The following ITPK1 variants were observed in gnomAD, a reference collection of about 807,000 sequenced individuals.
ITPK1 encodes inositol-tetrakisphosphate 1-kinase.
Under a neutral mutation model 45.3 loss-of-function variants are expected in ITPK1, and 21 were observed. The observed-to-expected ratio is 0.46, with a 90% CI of 0.33 to 0.67. The LOEUF is 0.67. Among genes scored for constraint, ITPK1 ranks in the 30% least tolerant of loss-of-function variants. The probability of loss-of-function intolerance (pLI) is 0.02; values close to 1 mark genes in which losing one functional copy is unlikely to be tolerated. For synonymous variants in ITPK1, 258 were observed against 253.6 expected (o/e 1.02, Z -0.16); for missense variants, 474 against 573.5 (o/e 0.83, Z 1.77).
At chr14:92,974,107 A>C (rs1477109925) in intron 5 of ITPK1, among the ~76,000 whole-genome samples, 1 of 152,118 alleles carries the variant, frequency 6.6e-6, no homozygotes, top group Non-Finnish European at 1.5e-5. Context: ...GTACATCCCT[A>C]ACACCTCCGA....
chr14:92,963,097 T>C (rs1010701298), intron 5 of ITPK1, among the ~76,000 whole-genome samples: 1 of 152,078 alleles, frequency 6.6e-6, no homozygotes, highest in East Asian at 1.9e-4. Context: ...ATCCGAAGAG[T>C]ACAGAAAAGT....
rs767201151 is a variant in ITPK1 at position 92,941,699 on chromosome 14, G to A, written c.1107C>T (p.Asp369=). 14 of 1,563,270 alleles carry A rather than the reference G, an allele frequency of 9.0e-6. No individual in the cohort carries two copies. Among genetic ancestry groups the A allele is most frequent in the Middle Eastern group, 1.9e-4 (1 of 5,154 alleles). Residue 369 remains aspartate, a synonymous_variant, in exon 11 of 11, where the codon GAC becomes GAT. Transcript: ENST00000267615. ...PGCCGSMMGQ[D]APWKAEADAG... ...CGTCGGCCTCAGCCTTCCAGGGCGC[G>A]TCCTGGCCCATCATGCTGCCGCAGC...
intron 2 of ITPK1, among the ~76,000 whole-genome samples, chr14:93,088,409 G>A (rs1288314623): frequency 3.5e-5 from 5 of 142,370 alleles, no homozygotes; most frequent in Admixed American, 2.2e-4. Context: ...ACACGATTTC[G>A]GCTCATTGCA....
chr14:92,977,154 A>T (rs1200423048), intron 5 of ITPK1, among the ~76,000 whole-genome samples: 1 of 152,218 alleles, frequency 6.6e-6, no homozygotes, highest in Non-Finnish European at 1.5e-5. Context: ...TAAAACAGAA[A>T]CCAGCATGCA....
chr14:92,965,140 G>A (rs1002337706), intron 5 of ITPK1, among the ~76,000 whole-genome samples: 1 of 152,110 alleles, frequency 6.6e-6, no homozygotes, highest in Non-Finnish European at 1.5e-5. Flanking sequence ...AGTGCCCATG[G>A]AGCTCCCTGG....
At chr14:93,081,133 G>T (rs375564592) in intron 2 of ITPK1, among the ~76,000 whole-genome samples, 2 of 150,228 alleles carry the variant, frequency 1.3e-5, no homozygotes, top group Non-Finnish European at 3.0e-5. Context: ...TCAGGAGTTC[G>T]AGACCAGCCT....
Position 93,011,865 on chromosome 14 carries a change from C to G in ITPK1, c.246+4811G>C, listed in dbSNP as rs557182534. The stretch of plus-strand genomic sequence containing the variant: ...TCTTGCCAATTATATCTGATCATAT[C>G]ACCGCCATCCCCGCCCCACCCTCCC... On this transcript the variant is annotated intron_variant, in intron 4 of 10. Coordinates refer to ENST00000267615, the MANE Select transcript of ITPK1 (RefSeq NM_014216.6). Among the ~76,000 whole-genome samples, 71 of 152,264 alleles carry G rather than the reference C, an allele frequency of 4.7e-4. 1 individual carries two copies. The South Asian group carries it at 0.011, about 23-fold the overall frequency.
In ITPK1 at chr14:92,995,676, G is replaced by A. The variant is rs912112933; in HGVS notation, c.247-1679C>T. On this transcript the variant is annotated intron_variant, in intron 4 of 10. Coordinates refer to ENST00000267615, the MANE Select transcript of ITPK1 (RefSeq NM_014216.6). ...CCATCCTCTCCCTGCACATAAGTGC[G>A]AGGACCTAGATGCGGGGCAGAACCC... Among the ~76,000 whole-genome samples, 5 of 152,178 alleles carry A rather than the reference G, an allele frequency of 3.3e-5. No individual in the cohort carries two copies. In the East Asian group the frequency reaches 5.8e-4, roughly 18 times the overall value.
intron 3 of ITPK1, among the ~76,000 whole-genome samples, chr14:93,052,562 C>A (rs1198935981): frequency 6.6e-6 from 1 of 152,146 alleles, no homozygotes; most frequent in Non-Finnish European, 1.5e-5. Flanking sequence ...GCCAAAGGAA[C>A]CCCCAGTGGG....
In ITPK1 at chr14:92,940,411, A is replaced by T. The variant is rs568624573; in HGVS notation, c.*1150T>A. The T allele has an allele frequency of 9.7e-7, 1 of 1,028,026 alleles. No homozygotes were observed. Among genetic ancestry groups the T allele is most frequent in the Admixed American group, 5.3e-5 (1 of 18,918 alleles). The allele number at this position is 1,028,026 out of a possible 1,614,324, so 63.7% of individuals were successfully genotyped here. On this transcript the variant is annotated 3_prime_UTR_variant, in exon 11 of 11. Transcript: ENST00000267615. ...CGGCAGAGCCAGTGCTTTGCTGCCA[A>T]GGTGATGGGGTGAGTCTGAGGTGTG...
chr14:92,994,631 T>C (rs377279486), intron 4 of ITPK1, among the ~76,000 whole-genome samples: 2 of 152,134 alleles, frequency 1.3e-5, no homozygotes, highest in Admixed American at 1.3e-4. Flanking sequence ...AATAAAATAA[T>C]GGGCAGAACC....
chr14:93,062,680 G>A (rs1890579642), intron 3 of ITPK1, among the ~76,000 whole-genome samples: 1 of 152,168 alleles, frequency 6.6e-6, no homozygotes, highest in South Asian at 2.1e-4. Context: ...GGCACTAGCA[G>A]GAGGCCCTGG....
intron 3 of ITPK1, among the ~76,000 whole-genome samples, chr14:93,067,209 C>T (rs182988013): frequency 1.3e-5 from 2 of 152,248 alleles, no homozygotes; most frequent in Non-Finnish European, 2.9e-5. Context: ...TTACCTGGCA[C>T]GCTCCACTGA....
In ITPK1 at chr14:92,939,102, G is replaced by A. The variant is rs915786450; in HGVS notation, c.*2459C>T. 8.4e-5 allele frequency: 13 copies of A among 155,336 alleles called. No homozygotes were observed. Among genetic ancestry groups the A allele is most frequent in the Non-Finnish European group, 1.3e-4 (9 of 70,094 alleles). 9.6% of individuals were successfully genotyped at this position (155,336 alleles called of 1,614,324 possible). On this transcript the variant is annotated 3_prime_UTR_variant, in exon 11 of 11. Coordinates refer to ENST00000267615, the MANE Select transcript of ITPK1 (RefSeq NM_014216.6). ...GCTGGCGGGGCCAACTCCAGGCGCCGTGCCTGCACAGCACCACACAACAAC... is the reference window on the plus strand; with the variant it reads ...GCTGGCGGGGCCAACTCCAGGCGCCATGCCTGCACAGCACCACACAACAAC...
intron 2 of ITPK1, among the ~76,000 whole-genome samples, chr14:93,101,068 C>T (rs1291698955): frequency 6.6e-6 from 1 of 152,200 alleles, no homozygotes; most frequent in African/African-American, 2.4e-5. Context: ...GGAGAGACCA[C>T]AGGGCCCATC....
At chr14:93,089,778 T>A (rs1891795016) in intron 2 of ITPK1, among the ~76,000 whole-genome samples, 1 of 152,058 alleles carries the variant, frequency 6.6e-6, no homozygotes, top group Non-Finnish European at 1.5e-5. Flanking sequence ...CCTGCCGGCC[T>A]CCAGGCCTGT....
intron 8 of ITPK1, among the ~76,000 whole-genome samples, chr14:92,954,846 G>A (rs1457223725): frequency 1.3e-5 from 2 of 152,180 alleles, no homozygotes; most frequent in Non-Finnish European, 2.9e-5. Flanking sequence ...TCTCTGCAGA[G>A]GGAAATCCTG....
rs556318796 is a variant in ITPK1, at chr14:92,992,675, C to A, written c.364+1205G>T. 2.6e-5 allele frequency among the ~76,000 whole-genome samples: 4 copies of A among 152,352 alleles called. No homozygotes were observed. The South Asian group carries it at 8.3e-4, about 32-fold the overall frequency. On this transcript the variant is annotated intron_variant, in intron 5 of 10. Coordinates refer to ENST00000267615, the MANE Select transcript of ITPK1 (RefSeq NM_014216.6). ...CTCCAGGCCAGGGTCCTCAGTGGTA[C>A]CCATTTCAGGTTCTTCTAGATCCAG...
intron 2 of ITPK1, among the ~76,000 whole-genome samples, chr14:93,084,173 C>A (rs1365522257): frequency 1.3e-5 from 2 of 152,234 alleles, no homozygotes; most frequent in African/African-American, 2.4e-5. Context: ...CCAGCAGAGC[C>A]AGCCAGACCC....
Sources: allele counts gnomAD v4.1 joint callset (sites outside exome capture counted in the v4.1 genomes callset), GRCh38; gene constraint gnomAD v4.1.1; transcripts MANE v1.5; gene names NCBI Gene and HGNC (gene_info 2026-07-23, HGNC 2026-07-21).